Variants in FNDC3A observed in about 807,000 individuals in gnomAD.
FNDC3A encodes fibronectin type-III domain-containing protein 3A.
In FNDC3A, 32 loss-of-function variants were observed where a neutral mutation model predicts 148.9. That is an observed-to-expected ratio of 0.21 (90% CI 0.16 to 0.29). The LOEUF (loss-of-function observed/expected upper bound fraction) is 0.29. FNDC3A is among the 10% of genes least tolerant of loss of function. The pLI is 1.00. For missense variants in FNDC3A, 1,191 were observed against 1,452.8 expected, an observed-to-expected ratio of 0.82 and a Z score of 2.93; for synonymous variants, 472 against 473.6, an observed-to-expected ratio of 1.00 and a Z score of 0.04.
chr13:49,141,551 T>C (rs1314252032), intron 7 of FNDC3A, among the ~76,000 whole-genome samples: 1 of 152,210 alleles, frequency 6.6e-6, no homozygotes, highest in African/African-American at 2.4e-5. Flanking sequence ...CATTTATGTT[T>C]ATTCTACTTT....
chr13:48,976,422 C>G lies in FNDC3A; in HGVS notation c.-40+245C>G, dbSNP rs908735301. Reference sequence around the variant, plus strand: ...CTACTAGTCGGGCACCTGCCGGGGCCGAGCCTAGCCAGGACACGCTTGCGG... The same window carrying G: ...CTACTAGTCGGGCACCTGCCGGGGCGGAGCCTAGCCAGGACACGCTTGCGG... On this transcript the variant is annotated intron_variant, in intron 1 of 25. Coordinates refer to ENST00000492622, the MANE Select transcript of FNDC3A (RefSeq NM_001079673.2). 3.9e-5 allele frequency among the ~76,000 whole-genome samples: 6 copies of G among 152,158 alleles called. No homozygotes were observed. The East Asian group carries it at 5.8e-4, about 15-fold the overall frequency.
chr13:49,116,027 A>G (rs1240856151), intron 4 of FNDC3A, among the ~76,000 whole-genome samples: 1 of 152,142 alleles, frequency 6.6e-6, no homozygotes. Flanking sequence ...TCAGTTCATG[A>G]TTTATTGAGT....
intron 4 of FNDC3A, among the ~76,000 whole-genome samples, chr13:49,130,582 CT>C (rs574500438): frequency 8.1e-4 from 123 of 152,192 alleles, no homozygotes; most frequent in African/African-American, 2.8e-3. Flanking sequence ...AGTATCATAA[CT>C]TATTAGGTTA....
At chr13:49,070,448 C>CCTTAAGGT (rs1421834562) in intron 2 of FNDC3A, among the ~76,000 whole-genome samples, 2 of 151,840 alleles carry the variant, frequency 1.3e-5, no homozygotes, top group African/African-American at 2.4e-5. Flanking sequence ...TAATACTAAG[C>CCTTAAGGT]CTTAAGGTTT....
At chr13:49,142,683 G>T (rs891048103) in intron 7 of FNDC3A, among the ~76,000 whole-genome samples, 2 of 152,144 alleles carry the variant, frequency 1.3e-5, no homozygotes, top group East Asian at 1.9e-4. Context: ...CCAGATTTCA[G>T]TTATAAGCTT....
At chr13:49,084,478 A>T (rs1483677280) in intron 3 of FNDC3A, among the ~76,000 whole-genome samples, 1 of 152,222 alleles carries the variant, frequency 6.6e-6, no homozygotes, top group Admixed American at 6.5e-5. Context: ...ATACAGTTAT[A>T]TGAAAATATT....
intron 2 of FNDC3A, among the ~76,000 whole-genome samples, chr13:49,041,827 AAAAG>A (rs1235858592): frequency 6.6e-6 from 1 of 151,756 alleles, no homozygotes; most frequent in Non-Finnish European, 1.5e-5. Context: ...AAAAAAAAAA[AAAAG>A]AAAAGAAAAA....
In FNDC3A at chr13:49,168,367, T is replaced by C. The variant is rs559500012; in HGVS notation, c.1038-246T>C. Among the ~76,000 whole-genome samples the C allele has an allele frequency of 2.2e-4, 34 of 152,266 alleles. No homozygotes were observed. The South Asian group carries it at 6.6e-3, about 30-fold the overall frequency. ...TATTCCCCATAGTTGAGAACATTGT[T>C]TCAGGAATATATATGCACACTCACA... On this transcript the variant is annotated intron_variant, in intron 9 of 25. Coordinates refer to ENST00000492622, the MANE Select transcript of FNDC3A (RefSeq NM_001079673.2).
chr13:49,050,800 A>G (rs1875780788), intron 2 of FNDC3A, among the ~76,000 whole-genome samples: 1 of 152,104 alleles, frequency 6.6e-6, no homozygotes, highest in African/African-American at 2.4e-5. Context: ...TCCAGTAGTA[A>G]TTGTTTTATA....
intron 3 of FNDC3A, among the ~76,000 whole-genome samples, chr13:49,094,049 G>GT (rs1879366364): frequency 6.6e-6 from 1 of 152,086 alleles, no homozygotes; most frequent in African/African-American, 2.4e-5. Flanking sequence ...AAAACACTGA[G>GT]TATGAGAGTT....
chr13:49,015,593 C>A (rs907343663), intron 2 of FNDC3A, among the ~76,000 whole-genome samples: 9 of 152,128 alleles, frequency 5.9e-5, no homozygotes, highest in Non-Finnish European at 8.8e-5. Context: ...CCCTTTATTT[C>A]CTTCTCCTGC....
intron 6 of FNDC3A, among the ~76,000 whole-genome samples, chr13:49,137,925 C>T (rs1882474361): frequency 6.6e-6 from 1 of 152,170 alleles, no homozygotes; most frequent in African/African-American, 2.4e-5. Context: ...CTAAAGGTTT[C>T]ATCAGAAATG....
chr13:49,168,997 T>G (rs937887330), intron 10 of FNDC3A, among the ~76,000 whole-genome samples: 1 of 152,216 alleles, frequency 6.6e-6, no homozygotes, highest in East Asian at 1.9e-4. Flanking sequence ...TGTGATGACA[T>G]TGAGATTCAC....
At chr13:49,020,677 T>A (rs553473277) in intron 2 of FNDC3A, among the ~76,000 whole-genome samples, 3 of 152,354 alleles carry the variant, frequency 2.0e-5, no homozygotes, top group African/African-American at 7.2e-5. Flanking sequence ...TGGGGGGTTA[T>A]AATAGCAGCT....
intron 2 of FNDC3A, among the ~76,000 whole-genome samples, chr13:49,063,359 T>A (rs866622056): frequency 1.4e-4 from 21 of 152,166 alleles, no homozygotes; most frequent in Admixed American, 2.0e-4. Flanking sequence ...GTTTTTTTTT[T>A]AAAATAATCA....
At position 49,188,568 on chromosome 13, in the gene FNDC3A, C is replaced by G. The variant is rs772603743; in HGVS notation, c.1879C>G (p.Arg627Gly). The G allele has an allele frequency of 9.3e-6, 15 of 1,613,946 alleles. No homozygotes were observed. In the Admixed American group the frequency reaches 2.0e-4, roughly 22 times the overall value. ...TGCTACCAGGGAACATCTTTGTGAT[C>G]GACTGAATCCAGGCTGTTTCTATCG... The part of the protein sequence containing the change: ...SGATREHLCD[R>G]LNPGCFYRLR... Residue 627 changes from arginine to glycine, a missense_variant, in exon 17 of 26, where the codon CGA becomes GGA. Physicochemically the swap from Arg to Gly is moderately radical, Grantham distance 125 (BLOSUM62 -2). Transcript: ENST00000492622.
intron 4 of FNDC3A, among the ~76,000 whole-genome samples, chr13:49,115,576 T>G (rs927876247): frequency 6.6e-6 from 1 of 152,154 alleles, no homozygotes; most frequent in African/African-American, 2.4e-5. Flanking sequence ...AAGGAGAGAA[T>G]GGAATGAGAT....
At chr13:49,167,349 G>GT (rs369146421) in intron 9 of FNDC3A, 46 bp downstream of exon 9, 9,858 of 947,738 alleles carry the variant, frequency 0.01, 115 homozygotes, top group African/African-American at 0.062. Context: ...AGCATAAGGG[G>GT]TTTTTTTTTT....
intron 2 of FNDC3A, among the ~76,000 whole-genome samples, chr13:49,056,595 T>C (rs1450445108): frequency 6.6e-6 from 1 of 152,208 alleles, no homozygotes; most frequent in East Asian, 1.9e-4. Context: ...TTTTGGACTT[T>C]CTTATTCTAT....
Sources: allele counts gnomAD v4.1 joint callset (sites outside exome capture counted in the v4.1 genomes callset), GRCh38; gene constraint gnomAD v4.1.1; transcripts MANE v1.5; gene names NCBI Gene and HGNC (gene_info 2026-07-23, HGNC 2026-07-21).